MIGA1: variants seen among roughly 807,000 people sequenced by gnomAD.
The protein encoded by MIGA1 is family with sequence similarity 73, member A.
MIGA1 carries 58 observed loss-of-function variants against 82.0 expected under a neutral mutation model. The observed-to-expected ratio is 0.71, with a 90% CI of 0.57 to 0.88. The LOEUF (loss-of-function observed/expected upper bound fraction) is 0.88. MIGA1 is among the 40% of genes least tolerant of loss of function. MIGA1 has a pLI of 0.00. For synonymous variants in MIGA1, 249 were observed against 253.6 expected (o/e 0.98, Z 0.17); for missense variants, 751 against 749.1 (o/e 1.00, Z -0.03).
chr1:77,870,229 C>A (rs1368641238), intron 14 of MIGA1, among the ~76,000 whole-genome samples: 6 of 128,666 alleles, frequency 4.7e-5, no homozygotes, highest in South Asian at 3.1e-4. Flanking sequence ...TGACCCCCCC[C>A]CCCACCTCCC....
At chr1:77,789,892 A>C (rs932833934) in intron 2 of MIGA1, among the ~76,000 whole-genome samples, 1 of 152,214 alleles carries the variant, frequency 6.6e-6, no homozygotes, top group Non-Finnish European at 1.5e-5. Context: ...TTCAGATTAC[A>C]GTGAATAGTT....
intron 1 of MIGA1, among the ~76,000 whole-genome samples, chr1:77,781,857 C>G (rs1362654059): frequency 6.6e-6 from 1 of 152,142 alleles, no homozygotes; most frequent in East Asian, 1.9e-4. Flanking sequence ...GAAACCACTA[C>G]TTAATCAGTG....
intron 5 of MIGA1, chr1:77,810,948 T>A: frequency 5.0e-6 from 8 of 1,612,034 alleles, no homozygotes; most frequent in Non-Finnish European, 6.8e-6. Context: ...AGTCAGTGGG[T>A]TTCTTGTATA....
At chr1:77,819,299 C>G (rs1487729188) in intron 7 of MIGA1, among the ~76,000 whole-genome samples, 1 of 151,894 alleles carries the variant, frequency 6.6e-6, no homozygotes, top group Non-Finnish European at 1.5e-5. Flanking sequence ...CTTCCCTTTT[C>G]CCTTTTTCCT....
chr1:77,796,254 G>A (rs1268328350), intron 2 of MIGA1, among the ~76,000 whole-genome samples: 1 of 151,574 alleles, frequency 6.6e-6, no homozygotes, highest in Non-Finnish European at 1.5e-5. Context: ...AAGTAGCTGG[G>A]ACTACAGGCG....
chr1:77,819,229 T>C (rs1347831195), intron 7 of MIGA1, among the ~76,000 whole-genome samples: 1 of 152,160 alleles, frequency 6.6e-6, no homozygotes, highest in East Asian at 1.9e-4. Context: ...AGCTATTAAG[T>C]GGAGGAACCC....
At chr1:77,857,727 T>TTG (rs1491413359) in intron 8 of MIGA1, among the ~76,000 whole-genome samples, 2 of 72,766 alleles carry the variant, frequency 2.7e-5, no homozygotes, top group Non-Finnish European at 8.2e-5. Flanking sequence ...TGGGTTGTTG[T>TTG]TTTTTTTTTT....
chr1:77,847,560 G>A (rs1295488665), intron 8 of MIGA1: 3 of 1,498,772 alleles, frequency 2.0e-6, no homozygotes, highest in Non-Finnish European at 1.9e-6. Flanking sequence ...TGATAAAGAG[G>A]CATTTGTGAC....
At chr1:77,799,704 G>C (rs1452403241) in intron 2 of MIGA1, among the ~76,000 whole-genome samples, 1 of 151,222 alleles carries the variant, frequency 6.6e-6, no homozygotes, top group Non-Finnish European at 1.5e-5. Flanking sequence ...GTCCTTTGTG[G>C]TCATAGAATT....
chr1:77,861,871 TG>T (rs1415797178), intron 12 of MIGA1: 1 of 152,584 alleles, frequency 6.6e-6, no homozygotes, highest in Non-Finnish European at 1.5e-5. Flanking sequence ...CCAGGCATGG[TG>T]GCTCACGCCT....
In MIGA1 at chr1:77,814,483, A is replaced by C. The variant is rs79527041; in HGVS notation, c.771+616A>C. Reference sequence around the variant, plus strand: ...ACAATCATAGTACACTATACCCCAGAACTCCTGGGCTCAATCAATTCTTCT... The same window carrying C: ...ACAATCATAGTACACTATACCCCAGCACTCCTGGGCTCAATCAATTCTTCT... On this transcript the variant is annotated intron_variant, in intron 6 of 15. Transcript: ENST00000370791. Among the ~76,000 whole-genome samples the C allele has an allele frequency of 2.8e-3, 433 of 152,278 alleles. 1 individual carries two copies. The highest frequency in any genetic ancestry group is 0.01 in the Middle Eastern group (3 of 294).
Position 77,808,905 on chromosome 1 carries a change from G to C in MIGA1, c.637+1804G>C, listed in dbSNP as rs150006895. ...AGAGAGTTAAATTCACATATTTCTAGATTACTCTGTGTCTAGGAAACTTAA... is the reference window on the plus strand; with the variant it reads ...AGAGAGTTAAATTCACATATTTCTACATTACTCTGTGTCTAGGAAACTTAA... On this transcript the variant is annotated intron_variant, in intron 5 of 15. Transcript: ENST00000370791. 1.8e-3 allele frequency among the ~76,000 whole-genome samples: 279 copies of C among 152,290 alleles called. 3 individuals are homozygous for C. Among genetic ancestry groups the C allele is most frequent in the African/African-American group, 6.4e-3 (264 of 41,542 alleles).
At chr1:77,840,112 C>G (rs917529598) in intron 7 of MIGA1, among the ~76,000 whole-genome samples, 1 of 152,142 alleles carries the variant, frequency 6.6e-6, no homozygotes, top group Non-Finnish European at 1.5e-5. Context: ...GGATATTGCC[C>G]AAGATTCTTT....
Position 77,859,384 on chromosome 1 carries a change from C to G in MIGA1, c.1186C>G (p.Gln396Glu). 6.2e-7 allele frequency: 1 copy of G among 1,612,662 alleles called. No individual in the cohort carries two copies. The highest frequency in any genetic ancestry group is 8.5e-7 in the Non-Finnish European group (1 of 1,178,776). The change falls in exon 10 of 16, where the codon CAG becomes GAG. Residue 396 changes from glutamine to glutamate, a missense_variant and splice_region_variant. Gln to Glu is a conservative substitution (Grantham distance 29). Transcript: ENST00000370791. ...ACTTCACTGTATTCGACAGGCTTTT[C>G]AGGTATTTTTTTAACATTAAGTGAC... is the stretch of plus-strand genomic sequence containing the variant.
chr1:77,859,437 A>C, intron 10 of MIGA1, 51 bp downstream of exon 10: 44 of 1,237,474 alleles, frequency 3.6e-5, no homozygotes, highest in Non-Finnish European at 4.9e-5. Context: ...CCCCACCCTC[A>C]TGCTGTAGAG....
chr1:77,801,942 T>C (rs888380587), intron 3 of MIGA1, among the ~76,000 whole-genome samples: 1 of 152,186 alleles, frequency 6.6e-6, no homozygotes, highest in Non-Finnish European at 1.5e-5. Context: ...AGTGTTAATT[T>C]GTATGAATGT....
At chr1:77,809,559 A>G (rs1683235426) in intron 5 of MIGA1, among the ~76,000 whole-genome samples, 1 of 151,980 alleles carries the variant, frequency 6.6e-6, no homozygotes, top group Admixed American at 6.6e-5. Context: ...ACATTGTAAG[A>G]CCCCATCTCT....
At chr1:77,874,536 G>C (rs1339023568) in intron 15 of MIGA1, among the ~76,000 whole-genome samples, 5 of 152,074 alleles carry the variant, frequency 3.3e-5, no homozygotes, top group Non-Finnish European at 7.4e-5. Flanking sequence ...ACTTCTTATA[G>C]ATTATCTTTT....
intron 7 of MIGA1, among the ~76,000 whole-genome samples, chr1:77,838,920 C>A (rs772470541): frequency 7.4e-4 from 112 of 152,222 alleles, no homozygotes; most frequent in Non-Finnish European, 1.5e-3. Context: ...AGCTGCAATT[C>A]ATTTATTTTC....
Sources: allele counts gnomAD v4.1 joint callset (sites outside exome capture counted in the v4.1 genomes callset), GRCh38; gene constraint gnomAD v4.1.1; transcripts MANE v1.5; gene names NCBI Gene and HGNC (gene_info 2026-07-23, HGNC 2026-07-21).